EGFL6: variants seen among roughly 807,000 people sequenced by gnomAD.
EGFL6 encodes the protein epidermal growth factor-like protein 6.
A neutral mutation model predicts 43.1 loss-of-function variants in EGFL6; 42 were observed. That is an observed-to-expected ratio of 0.98 (90% CI 0.76 to 1.26). The LOEUF (loss-of-function observed/expected upper bound fraction) is 1.26. Among genes scored for constraint, EGFL6 ranks in the 50% most tolerant of loss-of-function variants. The pLI is 0.00. For synonymous variants in EGFL6, 164 were observed against 163.2 expected, an observed-to-expected ratio of 1.01 and a Z score of -0.04; for missense variants, 429 against 427.8, an observed-to-expected ratio of 1.00 and a Z score of -0.02.
chrX:13,587,535 T>A lies in EGFL6; in HGVS notation c.75-2021T>A, dbSNP rs182436330. Among the ~76,000 whole-genome samples the A allele has an allele frequency of 2.3e-3, 255 of 111,785 alleles. 2 individuals are homozygous for A. The highest frequency in any genetic ancestry group is 4.1e-3 in the Non-Finnish European group (216 of 53,086). Reference sequence around the variant, plus strand: ...TAGCTACCTGGAAATTTACAATACATTGTTGCTAACTGTAGTCACCCTGCT... The same window carrying A: ...TAGCTACCTGGAAATTTACAATACAATGTTGCTAACTGTAGTCACCCTGCT... On this transcript the variant is annotated intron_variant, in intron 1 of 11. Coordinates refer to ENST00000361306, the MANE Select transcript of EGFL6 (RefSeq NM_015507.4).
chrX:13,580,126 G>A (rs1014145357), intron 1 of EGFL6, among the ~76,000 whole-genome samples: 1 of 111,440 alleles, frequency 9.0e-6, no homozygotes, highest in Non-Finnish European at 1.9e-5. Context: ...TTTTAAAACC[G>A]TCACAGCATA....
rs17173918 is a variant in EGFL6, at chrX:13,594,963, C to T, written c.280+35C>T. ...GTAGCCCAGGGTCATAGTTCAAATT[C>T]AATCATTGCAGCAGGGCTGGCGACT... On this transcript the variant is annotated intron_variant, in intron 3 of 11. Coordinates refer to ENST00000361306, the MANE Select transcript of EGFL6 (RefSeq NM_015507.4). The T allele has an allele frequency of 5.8e-4, 629 of 1,086,401 alleles. 2 individuals are homozygous for T. The African/African-American group carries it at 0.011, about 18-fold the overall frequency. 89.5% of individuals were successfully genotyped at this position (1,086,401 alleles called of 1,213,427 possible).
chrX:13,575,710 G>T (rs2045467727), intron 1 of EGFL6, among the ~76,000 whole-genome samples: 1 of 112,605 alleles, frequency 8.9e-6, no homozygotes, highest in African/African-American at 3.2e-5. Context: ...TTTATTTTCA[G>T]TTGAATGCAA....
At position 13,569,653 on chromosome X, in the gene EGFL6, G is replaced by A. The variant is rs1192954110; in HGVS notation, c.-209G>A. Reference sequence around the variant, plus strand: ...AGGAGCCTCGGCCAGGCTTGCCAGGGCGCCCCCAGCCCCTCCCCAGGCCGC... The same window carrying A: ...AGGAGCCTCGGCCAGGCTTGCCAGGACGCCCCCAGCCCCTCCCCAGGCCGC... On this transcript the variant is annotated 5_prime_UTR_variant, in exon 1 of 12. Transcript: ENST00000361306. 3 of 409,011 alleles carry A rather than the reference G, an allele frequency of 7.3e-6. No individual in the cohort carries two copies. The highest frequency in any genetic ancestry group is 5.1e-5 in the African/African-American group (2 of 39,574). The allele number at this position is 409,011 out of a possible 1,213,427, so 33.7% of individuals were successfully genotyped here.
rs191850812 is a variant in EGFL6 at position 13,600,038 on chromosome X, G to T, written c.344G>T (p.Ser115Ile). The T allele has an allele frequency of 8.3e-7, 1 of 1,209,459 alleles. No homozygotes were observed. Among genetic ancestry groups the T allele is most frequent in the East Asian group, 3.0e-5 (1 of 33,754 alleles). The change falls in exon 4 of 12, where the codon AGC (serine) becomes ATC (isoleucine). Residue 115 changes from serine to isoleucine, a missense_variant. Ser to Ile is a moderately radical substitution (Grantham distance 142, BLOSUM62 -2). Coordinates refer to ENST00000361306, the MANE Select transcript of EGFL6 (RefSeq NM_015507.4). ...CQHRCVNTHGSYKCFCLSGHM... is the reference protein window; with the variant it reads ...CQHRCVNTHGIYKCFCLSGHM... ...CACAGATGTGTGAATACACACGGAA[G>T]CTACAAGTGCTTTTGCCTCAGTGGC...
chrX:13,617,754 A>G lies in EGFL6; in HGVS notation c.803A>G (p.Glu268Gly). ...CSAIPENSVKEVLRAPGTIKD... is the reference protein window; with the variant it reads ...CSAIPENSVKGVLRAPGTIKD... ...GCTATCCCTGAAAATTCTGTGAAGGAAGTCCTCAGAGCACCTGGTACCATC... is the reference window on the plus strand; with the variant it reads ...GCTATCCCTGAAAATTCTGTGAAGGGAGTCCTCAGAGCACCTGGTACCATC... Residue 268 changes from glutamate (E) to glycine (G), a missense_variant, in exon 8 of 12, where the codon GAA (glutamate) becomes GGA (glycine). Glu to Gly is a moderately conservative substitution (Grantham distance 98). Transcript: ENST00000361306. 8.3e-7 allele frequency: 1 copy of G among 1,202,412 alleles called. No homozygotes were observed. Among genetic ancestry groups the G allele is most frequent in the Non-Finnish European group, 1.1e-6 (1 of 890,277 alleles).
intron 7 of EGFL6, among the ~76,000 whole-genome samples, chrX:13,615,877 A>C (rs1042342095): frequency 2.7e-5 from 3 of 111,804 alleles, no homozygotes; most frequent in Admixed American, 9.5e-5. Context: ...GGAACAAAGC[A>C]GGAGAAGAGG....
At chrX:13,584,553 T>G (rs1199748659) in intron 1 of EGFL6, among the ~76,000 whole-genome samples, 1 of 111,912 alleles carries the variant, frequency 8.9e-6, no homozygotes, top group Non-Finnish European at 1.9e-5. Flanking sequence ...TCTTCTAGGT[T>G]GTCCGTCTAA....
chrX:13,595,657 G>A (rs1202374008), intron 3 of EGFL6, among the ~76,000 whole-genome samples: 1 of 111,085 alleles, frequency 9.0e-6, no homozygotes, highest in Non-Finnish European at 1.9e-5. Context: ...ATTTTTGTAG[G>A]AAAAATATTT....
rs199923582 is a variant in EGFL6, at chrX:13,597,784, AG to A, written c.281-2190del. ...GGGCAACAGAGCGAGACTCCATCTCAGAAAAAAAAATCATGCTTTCATAAGT... is the reference window on the plus strand; with the variant it reads ...GGGCAACAGAGCGAGACTCCATCTCAAAAAAAAAATCATGCTTTCATAAGT... On this transcript the variant is annotated intron_variant, in intron 3 of 11. Transcript: ENST00000361306. 5.4e-4 allele frequency among the ~76,000 whole-genome samples: 49 copies of A among 91,576 alleles called. 1 individual carries two copies. The East Asian group carries it at 8.8e-3, about 16-fold the overall frequency. 79.5% of individuals were successfully genotyped at this position (91,576 alleles called of 115,157 possible).
chrX:13,577,297 T>A (rs5935613), intron 1 of EGFL6, among the ~76,000 whole-genome samples: 3 of 5,414 alleles, frequency 5.5e-4, no homozygotes, highest in Admixed American at 1.6e-3. Context: ...ATATATGAAT[T>A]TTATATATAT....
chrX:13,582,341 G>A (rs971331123), intron 1 of EGFL6, among the ~76,000 whole-genome samples: 7 of 110,572 alleles, frequency 6.3e-5, no homozygotes, highest in South Asian at 3.9e-4. Context: ...GATTACAGGC[G>A]TGGCCCACTG....
chrX:13,621,125 T>C (rs1049692155), intron 9 of EGFL6, among the ~76,000 whole-genome samples: 1 of 112,629 alleles, frequency 8.9e-6, no homozygotes, highest in Non-Finnish European at 1.9e-5. Context: ...TCCCCAGAAA[T>C]AGACCCCAAG....
chrX:13,626,938 C>CT (rs1381225033), intron 10 of EGFL6, 73 bp from the exon 11 acceptor site: 214 of 1,093,417 alleles, frequency 2.0e-4, no homozygotes, highest in Non-Finnish European at 1.6e-4. Flanking sequence ...CTTTTTATAG[C>CT]TTTTTTTATA....
intron 1 of EGFL6, among the ~76,000 whole-genome samples, chrX:13,571,929 T>C (rs2146958885): frequency 8.9e-6 from 1 of 112,293 alleles, no homozygotes; most frequent in East Asian, 2.8e-4. Flanking sequence ...TCACAACTTA[T>C]AGGAAAAACT....
chrX:13,592,510 A>C (rs1214824813), intron 2 of EGFL6, among the ~76,000 whole-genome samples: 1 of 112,430 alleles, frequency 8.9e-6, no homozygotes, highest in Non-Finnish European at 1.9e-5. Context: ...TGAATGTTTA[A>C]GTCCCTGTCC....
intron 10 of EGFL6, among the ~76,000 whole-genome samples, chrX:13,626,372 A>G (rs1459774148): frequency 1.8e-5 from 2 of 111,875 alleles, no homozygotes; most frequent in Non-Finnish European, 3.8e-5. Flanking sequence ...GTTTTTGCCC[A>G]AGTTCATCAA....
intron 1 of EGFL6, 29 bp downstream of exon 1, chrX:13,569,964 C>G (rs766409619): frequency 8.3e-7 from 1 of 1,198,654 alleles, no homozygotes; most frequent in African/African-American, 1.7e-5. Context: ...ATTGGCTTCC[C>G]CCCACCCCCG....
At chrX:13,597,783 C>CAA (rs781380792) in intron 3 of EGFL6, among the ~76,000 whole-genome samples, 29 of 108,054 alleles carry the variant, frequency 2.7e-4, no homozygotes, top group East Asian at 8.8e-4. Context: ...GACTCCATCT[C>CAA]AGAAAAAAAA....
Sources: allele counts gnomAD v4.1 joint callset (sites outside exome capture counted in the v4.1 genomes callset), GRCh38; gene constraint gnomAD v4.1.1; transcripts MANE v1.5; gene names NCBI Gene and HGNC (gene_info 2026-07-23, HGNC 2026-07-21).